Variants in TENM3 observed in about 807,000 individuals in gnomAD.
TENM3 encodes teneurin transmembrane protein 3.
A neutral mutation model predicts 255.1 loss-of-function variants in TENM3; 63 were observed. The observed-to-expected ratio is 0.25, with a 90% confidence interval of 0.20 to 0.30. The LOEUF (loss-of-function observed/expected upper bound fraction) is 0.30. Ranked by LOEUF, TENM3 falls within the 10% of genes least tolerant of loss-of-function variation. The pLI, the probability that TENM3 is intolerant of heterozygous loss-of-function variation, is 1.00. For missense variants in TENM3, 2,929 were observed against 3,461.1 expected (o/e 0.85, Z 3.86); for synonymous variants, 1,306 against 1,322.3 (o/e 0.99, Z 0.27).
chr4:182,430,190 A>G (rs754800036), intron 3 of TENM3, among the ~76,000 whole-genome samples: 29 of 152,120 alleles, frequency 1.9e-4, no homozygotes, highest in Non-Finnish European at 4.0e-4. Context: ...GAAAAATGTT[A>G]TTAGGCCACT....
chr4:182,429,589 G>T (rs1402788816), intron 3 of TENM3, among the ~76,000 whole-genome samples: 1 of 152,134 alleles, frequency 6.6e-6, no homozygotes, highest in East Asian at 1.9e-4. Context: ...TTAATGCCAA[G>T]GAGTAAAACT....
the TENM3 span, among the ~76,000 whole-genome samples, chr4:181,640,243 C>T: frequency 2.0e-5 from 3 of 152,158 alleles, no homozygotes; most frequent in Non-Finnish European, 2.9e-5. Flanking sequence ...GGATAGAATG[C>T]AGTAATCTGT....
chr4:182,129,082 G>A, the TENM3 span, among the ~76,000 whole-genome samples: 3 of 152,302 alleles, frequency 2.0e-5, no homozygotes, highest in East Asian at 1.9e-4. Context: ...GGCGGGAATA[G>A]GGTTACATCC....
intron 3 of TENM3, among the ~76,000 whole-genome samples, chr4:182,416,100 G>C (rs1770340570): frequency 6.6e-6 from 1 of 152,174 alleles, no homozygotes; most frequent in Non-Finnish European, 1.5e-5. Flanking sequence ...TATAATATTT[G>C]TGAAAATTTG....
chr4:182,039,661 G>A, the TENM3 span, among the ~76,000 whole-genome samples: 4 of 151,772 alleles, frequency 2.6e-5, no homozygotes, highest in African/African-American at 9.7e-5. Flanking sequence ...ACACATGCAC[G>A]AGATAGCCTG....
chr4:181,553,432 A>G, the TENM3 span, among the ~76,000 whole-genome samples: 1 of 151,878 alleles, frequency 6.6e-6, no homozygotes, highest in African/African-American at 2.4e-5. Flanking sequence ...AATGAGATAG[A>G]AGGGCTTTTT....
At chr4:182,465,605 G>C (rs1001729606) in intron 3 of TENM3, among the ~76,000 whole-genome samples, 3 of 152,002 alleles carry the variant, frequency 2.0e-5, no homozygotes, top group South Asian at 2.1e-4. Flanking sequence ...TTTTACCAAA[G>C]TCTTAGGGAA....
chr4:181,617,774 G>A, the TENM3 span, among the ~76,000 whole-genome samples: 2 of 152,302 alleles, frequency 1.3e-5, no homozygotes, highest in Admixed American at 1.3e-4. Flanking sequence ...TGAGTTGTGG[G>A]AATGTGGAAT....
intron 3 of TENM3, among the ~76,000 whole-genome samples, chr4:182,368,635 A>G (rs895075801): frequency 1.3e-5 from 2 of 152,232 alleles, no homozygotes; most frequent in Admixed American, 6.5e-5. Context: ...AAATGTTGTC[A>G]TAGTTTCACC....
At chr4:182,592,426 A>G (rs1412653337) in intron 3 of TENM3, among the ~76,000 whole-genome samples, 1 of 152,206 alleles carries the variant, frequency 6.6e-6, no homozygotes, top group Non-Finnish European at 1.5e-5. Context: ...CACTGTAGTT[A>G]AAATTCACAT....
At chr4:181,740,453 A>G in the TENM3 span, among the ~76,000 whole-genome samples, 8 of 152,174 alleles carry the variant, frequency 5.3e-5, no homozygotes, top group Non-Finnish European at 1.0e-4. Context: ...TACTACATAT[A>G]TTTTTAAAGG....
intron 3 of TENM3, among the ~76,000 whole-genome samples, chr4:182,452,828 A>G (rs980153238): frequency 1.1e-4 from 16 of 152,216 alleles, no homozygotes; most frequent in Non-Finnish European, 2.4e-4. Flanking sequence ...TGTGCAATAA[A>G]TAAAAGTTGT....
In TENM3 at chr4:182,276,236, G is replaced by A. The variant is rs573235293; in HGVS notation, c.-76+32760G>A. On this transcript the variant is annotated intron_variant, in intron 1 of 27. Transcript: ENST00000511685. ...ACATCATTTTCCACATAAGCACAGA[G>A]CATGAGAGGTTTTTGCCCTTTACGG... 5.3e-5 allele frequency among the ~76,000 whole-genome samples: 8 copies of A among 152,328 alleles called. No individual in the cohort carries two copies. In the East Asian group the frequency reaches 1.4e-3, roughly 26 times the overall value.
intron 1 of TENM3, among the ~76,000 whole-genome samples, chr4:182,213,888 G>A (rs1015775903): frequency 3.9e-5 from 6 of 151,948 alleles, no homozygotes; most frequent in South Asian, 2.1e-4. Flanking sequence ...TGCAAGCTCT[G>A]CCTCCTGGGT....
the TENM3 span, among the ~76,000 whole-genome samples, chr4:181,972,436 CAAAAAAA>C: frequency 3.4e-4 from 39 of 115,120 alleles, no homozygotes; most frequent in African/African-American, 1.1e-3. Flanking sequence ...CCTCCTTGTC[CAAAAAAA>C]AAAAAAAAAA....
the TENM3 span, among the ~76,000 whole-genome samples, chr4:181,494,708 C>T: frequency 6.6e-6 from 1 of 152,068 alleles, no homozygotes; most frequent in African/African-American, 2.4e-5. Context: ...TCATAATTTC[C>T]CTTCTGAACC....
At chr4:182,396,574 A>G (rs1768827906) in intron 3 of TENM3, among the ~76,000 whole-genome samples, 1 of 152,202 alleles carries the variant, frequency 6.6e-6, no homozygotes, top group African/African-American at 2.4e-5. Flanking sequence ...TTGAGGTGGA[A>G]GTCTTTTACT....
chr4:181,917,273 T>C, the TENM3 span, among the ~76,000 whole-genome samples: 2 of 152,114 alleles, frequency 1.3e-5, no homozygotes, highest in African/African-American at 4.8e-5. Context: ...GCGGTAGGTA[T>C]AGGAAAAAGA....
Position 182,708,963 on chromosome 4 carries a change from C to A in TENM3, c.2222-5124C>A, listed in dbSNP as rs1758526350. ...ATGACTGCAACATTTTACTAGAAAG[C>A]AGTGGGTTTTTTTTTGTTTTTTGTG... On this transcript the variant is annotated intron_variant, in intron 12 of 27. Coordinates refer to ENST00000511685, the MANE Select transcript of TENM3 (RefSeq NM_001080477.4). Among the ~76,000 whole-genome samples the A allele has an allele frequency of 4.0e-5, 6 of 149,914 alleles. No homozygotes were observed. The South Asian group carries it at 1.3e-3, about 32-fold the overall frequency.
Sources: gnomAD v4.1 joint callset for allele counts (sites outside exome capture counted in the v4.1 genomes callset) on GRCh38, gnomAD v4.1.1 for gene constraint, MANE v1.5 for transcripts, NCBI Gene and HGNC (gene_info 2026-07-23, HGNC 2026-07-21) for gene names.